The following RBFOX3 variants were observed in gnomAD, a reference collection of about 807,000 sequenced individuals.
RBFOX3 encodes the protein RNA binding fox-1 homolog 3, also known as RNA binding protein fox-1 homolog 3.
A neutral mutation model predicts 48.7 loss-of-function variants in RBFOX3; 17 were observed. The ratio of observed to expected loss-of-function variants is 0.35; its 90% CI spans 0.24 to 0.52. The LOEUF (loss-of-function observed/expected upper bound fraction) is 0.52, where lower values mean the gene tolerates loss of function less well. RBFOX3 is among the 20% of genes least tolerant of loss of function. The pLI is 0.94. For synonymous variants in RBFOX3, 212 were observed against 209.5 expected, an observed-to-expected ratio of 1.01 and a Z score of -0.10; for missense variants, 382 against 497.5, an observed-to-expected ratio of 0.77 and a Z score of 2.21.
At chr17:79,323,048 G>A (rs759965822) in intron 2 of RBFOX3, among the ~76,000 whole-genome samples, 8 of 152,222 alleles carry the variant, frequency 5.3e-5, no homozygotes, top group Non-Finnish European at 7.3e-5. Context: ...AACCAAGCAG[G>A]CCTGGTTTAG....
chr17:79,115,033 T>C (rs1229637897), intron 5 of RBFOX3, among the ~76,000 whole-genome samples: 2 of 152,210 alleles, frequency 1.3e-5, no homozygotes, highest in African/African-American at 4.8e-5. Context: ...TTAGAAATGA[T>C]AGGAGGGCCT....
intron 2 of RBFOX3, among the ~76,000 whole-genome samples, chr17:79,424,859 C>T (rs1398196498): frequency 6.6e-6 from 1 of 152,122 alleles, no homozygotes; most frequent in Admixed American, 6.5e-5. Flanking sequence ...GCAGCCCCTA[C>T]CCATTTAGTC....
chr17:79,280,870 G>A (rs2070298535), intron 3 of RBFOX3, among the ~76,000 whole-genome samples: 1 of 151,500 alleles, frequency 6.6e-6, no homozygotes, highest in African/African-American at 2.4e-5. Context: ...GTCTCCTGCA[G>A]GCATGTGGGG....
At chr17:79,592,460 T>C (rs926661764) in intron 1 of RBFOX3, among the ~76,000 whole-genome samples, 11 of 151,764 alleles carry the variant, frequency 7.2e-5, no homozygotes, top group Non-Finnish European at 1.0e-4. Context: ...CAGGTGTGCA[T>C]GTGTGTAGTG....
chr17:79,626,653 G>C, the RBFOX3 span, among the ~76,000 whole-genome samples: 1 of 152,226 alleles, frequency 6.6e-6, no homozygotes. Context: ...CCACCGATGG[G>C]ATATACACAG....
Position 79,115,030 on chromosome 17 carries a change from T to C in RBFOX3, c.222+464A>G, listed in dbSNP as rs546240559. Among the ~76,000 whole-genome samples the C allele has an allele frequency of 2.6e-5, 4 of 152,342 alleles. No homozygotes were observed. The East Asian group carries it at 5.8e-4, about 22-fold the overall frequency. ...CAGGTAGATTACAAGTGATTAGAAA[T>C]GATAGGAGGGCCTGCAACCCGAGGC... On this transcript the variant is annotated intron_variant, in intron 5 of 14. Transcript: ENST00000693108.
intron 1 of RBFOX3, among the ~76,000 whole-genome samples, chr17:79,534,245 T>C (rs1381512344): frequency 1.3e-5 from 2 of 152,222 alleles, no homozygotes; most frequent in Non-Finnish European, 2.9e-5. Context: ...CACCCATAGC[T>C]GGTGACGGCT....
chr17:79,605,482 A>G (rs2093806953), intron 1 of RBFOX3, among the ~76,000 whole-genome samples: 1 of 152,044 alleles, frequency 6.6e-6, no homozygotes, highest in African/African-American at 2.4e-5. Flanking sequence ...CACCTCCCCA[A>G]ATATGGAGCA....
intron 4 of RBFOX3, among the ~76,000 whole-genome samples, chr17:79,134,291 C>T (rs998946404): frequency 2.6e-5 from 4 of 152,276 alleles, no homozygotes; most frequent in African/African-American, 4.8e-5. Context: ...CACAGCCAAA[C>T]ACCCACCTGG....
intron 2 of RBFOX3, among the ~76,000 whole-genome samples, chr17:79,335,437 C>T (rs577370955): frequency 6.6e-6 from 1 of 152,310 alleles, no homozygotes; most frequent in African/African-American, 2.4e-5. Context: ...TTTACTTTAA[C>T]ACGCACAGAC....
chr17:79,415,510 G>A (rs886460133), intron 2 of RBFOX3, among the ~76,000 whole-genome samples: 8 of 152,330 alleles, frequency 5.3e-5, no homozygotes, highest in African/African-American at 1.7e-4. Flanking sequence ...CACGGCAGAC[G>A]CAGATGGAGG....
intron 4 of RBFOX3, among the ~76,000 whole-genome samples, chr17:79,120,735 T>TGGAAGGGTGGGTGGGG (rs2035514102): frequency 6.6e-6 from 1 of 151,038 alleles, no homozygotes; most frequent in Admixed American, 6.6e-5. Context: ...GGTGGGTGGA[T>TGGAAGGGTGGGTGGGG]GGATGGACAG....
At chr17:79,122,092 C>T (rs1026317444) in intron 4 of RBFOX3, among the ~76,000 whole-genome samples, 2 of 152,154 alleles carry the variant, frequency 1.3e-5, no homozygotes, top group African/African-American at 2.4e-5. Context: ...CTGGGGGTCA[C>T]CCTTGACTTG....
chr17:79,171,651 T>TGGAG (rs1555729666), intron 4 of RBFOX3, among the ~76,000 whole-genome samples: 16,111 of 150,464 alleles, frequency 0.11, 1,060 homozygotes, highest in Non-Finnish European at 0.15. Context: ...AAAAAAAAAA[T>TGGAG]AGATCTTGCC....
rs558733245 is a variant in RBFOX3 at position 79,365,528 on chromosome 17, C to G, written c.-174-57704G>C. Among the ~76,000 whole-genome samples the G allele has an allele frequency of 2.0e-5, 3 of 152,364 alleles. No homozygotes were observed. The South Asian group carries it at 6.2e-4, about 32-fold the overall frequency. On this transcript the variant is annotated intron_variant, in intron 2 of 14. Coordinates refer to ENST00000693108, the MANE Select transcript of RBFOX3 (RefSeq NM_001350451.2). ...CTAGCGCGGCCCTGGCGCTCCCACG[C>G]GAACACCAGATAAATGGATTACGGC...
At chr17:79,328,635 C>T (rs1304258616) in intron 2 of RBFOX3, among the ~76,000 whole-genome samples, 3 of 152,168 alleles carry the variant, frequency 2.0e-5, no homozygotes, top group African/African-American at 7.2e-5. Context: ...CAGGCACTGG[C>T]TGAGTGCACT....
intron 1 of RBFOX3, among the ~76,000 whole-genome samples, chr17:79,542,484 A>C (rs1555790643): frequency 1.3e-5 from 2 of 151,314 alleles, no homozygotes; most frequent in African/African-American, 4.9e-5. Context: ...ATAGCATGGC[A>C]GTCCCACGGG....
chr17:79,224,088 T>C (rs770716608), intron 4 of RBFOX3, among the ~76,000 whole-genome samples: 39 of 152,118 alleles, frequency 2.6e-4, no homozygotes, highest in Admixed American at 1.4e-3. Context: ...AGATTCTTCT[T>C]TCCCAAACAG....
At chr17:79,207,985 C>T (rs536936532) in intron 4 of RBFOX3, among the ~76,000 whole-genome samples, 1 of 152,330 alleles carries the variant, frequency 6.6e-6, no homozygotes, top group East Asian at 1.9e-4. Context: ...GGAGCCTCGG[C>T]AAGCCTCGGC....
Sources: allele counts gnomAD v4.1 joint callset (sites outside exome capture counted in the v4.1 genomes callset), GRCh38; gene constraint gnomAD v4.1.1; transcripts MANE v1.5; gene names NCBI Gene and HGNC (gene_info 2026-07-23, HGNC 2026-07-21).